TMEM116: variants seen among roughly 807,000 people sequenced by gnomAD.
TMEM116 encodes transmembrane protein 116.
Under a neutral mutation model 44.3 loss-of-function variants are expected in TMEM116, and 38 were observed. That is an observed-to-expected ratio of 0.86 (90% CI 0.66 to 1.12). The LOEUF (loss-of-function observed/expected upper bound fraction) is 1.12, where lower values mean the gene tolerates loss of function less well. Among genes scored for constraint, TMEM116 ranks in the 50% most tolerant of loss-of-function variants. The pLI is 0.00. For missense variants in TMEM116, 354 were observed against 401.7 expected (o/e 0.88, Z 1.01); for synonymous variants, 132 against 144.8 (o/e 0.91, Z 0.64).
At chr12:111,963,012 G>A (rs1364535995) in intron 4 of TMEM116, among the ~76,000 whole-genome samples, 1 of 152,156 alleles carries the variant, frequency 6.6e-6, no homozygotes, top group Non-Finnish European at 1.5e-5. Context: ...GATATGAACA[G>A]ACACTTCTCA....
intron 4 of TMEM116, among the ~76,000 whole-genome samples, chr12:111,946,890 G>A (rs1366203205): frequency 6.6e-6 from 1 of 151,914 alleles, no homozygotes; most frequent in African/African-American, 2.4e-5. Flanking sequence ...TTTTTCACAC[G>A]TCTGCAATTC....
At chr12:111,987,483 T>A (rs1044898969) in intron 4 of TMEM116, among the ~76,000 whole-genome samples, 2 of 140,484 alleles carry the variant, frequency 1.4e-5, no homozygotes, top group African/African-American at 5.3e-5. Flanking sequence ...CCAGCCTGGG[T>A]GAGAAAGTGA....
intron 4 of TMEM116, among the ~76,000 whole-genome samples, chr12:111,959,577 T>C (rs1389508009): frequency 6.6e-6 from 1 of 152,148 alleles, no homozygotes; most frequent in East Asian, 1.9e-4. Flanking sequence ...TCAAGACCCA[T>C]TGGTGTACTG....
chr12:112,004,732 C>A (rs2077481847), intron 2 of TMEM116, among the ~76,000 whole-genome samples: 1 of 151,882 alleles, frequency 6.6e-6, no homozygotes, highest in South Asian at 2.1e-4. Context: ...ACAATCACAG[C>A]TCCTCCTGAG....
intron 2 of TMEM116, among the ~76,000 whole-genome samples, 179 bp from the exon 3 acceptor site, chr12:112,004,042 G>A (rs749788199): frequency 6.6e-6 from 1 of 151,996 alleles, no homozygotes; most frequent in Non-Finnish European, 1.5e-5. Flanking sequence ...GTGCAGTGGT[G>A]TCATTATAGC....
chr12:111,970,036 G>A (rs1425622077), intron 4 of TMEM116, among the ~76,000 whole-genome samples: 1 of 152,024 alleles, frequency 6.6e-6, no homozygotes, highest in Non-Finnish European at 1.5e-5. Flanking sequence ...GGAGGCCAGG[G>A]CAGGCAGATC....
chr12:112,006,092 G>T, intron 1 of TMEM116: 3 of 428,398 alleles, frequency 7.0e-6, no homozygotes, highest in Non-Finnish European at 6.2e-6. Context: ...CCCTATCCCA[G>T]CTGGGCTCCT....
rs200593753 is a variant in TMEM116, at chr12:111,940,554, CAT to C, written c.316-2346_316-2345del. ...ATATATATATATATATACACACACA[CAT>C]ATATATGTGTGTATATATATATATA... On this transcript the variant is annotated intron_variant, in intron 5 of 10. Coordinates refer to ENST00000552374, the MANE Select transcript of TMEM116 (RefSeq NM_001193531.2). Among the ~76,000 whole-genome samples, 764 of 119,778 alleles carry C rather than the reference CAT, an allele frequency of 6.4e-3. 20 individuals are homozygous for C. The East Asian group carries it at 0.13, about 20-fold the overall frequency. 78.6% of individuals were successfully genotyped at this position (119,778 alleles called of 152,430 possible). A position where few individuals can be genotyped will look rare whatever the true frequency, so the allele number is the denominator to read the frequency against.
At chr12:112,002,942 C>G (rs2077352614) in intron 3 of TMEM116, among the ~76,000 whole-genome samples, 1 of 152,142 alleles carries the variant, frequency 6.6e-6, no homozygotes. Flanking sequence ...GTTTACTAAG[C>G]TAGAAAATAC....
At chr12:112,004,955 C>T (rs2077498485) in intron 2 of TMEM116, among the ~76,000 whole-genome samples, 1 of 152,142 alleles carries the variant, frequency 6.6e-6, no homozygotes, top group South Asian at 2.1e-4. Context: ...CCAATTTTCT[C>T]TTTGTCATTC....
At chr12:111,998,823 G>C (rs909130353) in intron 3 of TMEM116, among the ~76,000 whole-genome samples, 4 of 151,964 alleles carry the variant, frequency 2.6e-5, no homozygotes, top group African/African-American at 9.7e-5. Flanking sequence ...TCTCAGGAAA[G>C]GCAAAGGGGG....
chr12:112,003,963 A>G, intron 2 of TMEM116, 100 bp from the exon 3 acceptor site: 2 of 1,385,878 alleles, frequency 1.4e-6, no homozygotes, highest in South Asian at 3.4e-5. Flanking sequence ...TATTGGCATA[A>G]TTGATATAAA....
intron 5 of TMEM116, among the ~76,000 whole-genome samples, chr12:111,939,783 A>G (rs1565871951): frequency 6.6e-6 from 1 of 151,970 alleles, no homozygotes; most frequent in African/African-American, 2.4e-5. Context: ...AACTGTGATC[A>G]TATTACTGCA....
chr12:112,002,280 G>A (rs1173729569), intron 3 of TMEM116, among the ~76,000 whole-genome samples: 2 of 151,644 alleles, frequency 1.3e-5, no homozygotes, highest in African/African-American at 4.8e-5. Context: ...GGCCAAGATG[G>A]TGAAACCCTG....
At chr12:112,003,449 T>C (rs539065033) in intron 3 of TMEM116, 189 of 171,388 alleles carry the variant, frequency 1.1e-3, no homozygotes, top group Middle Eastern at 2.6e-3. Flanking sequence ...GTGCCTGTAG[T>C]CCCAGCTACT....
chr12:111,994,281 C>A (rs1418092283), intron 3 of TMEM116, among the ~76,000 whole-genome samples: 2 of 152,030 alleles, frequency 1.3e-5, no homozygotes, highest in Non-Finnish European at 2.9e-5. Context: ...AACCAAGACA[C>A]TCTTGAAAAA....
At chr12:111,933,731 C>T (rs529563632) in intron 9 of TMEM116, among the ~76,000 whole-genome samples, 155 bp downstream of exon 9, 35 of 151,566 alleles carry the variant, frequency 2.3e-4, no homozygotes, top group Admixed American at 1.3e-3. Flanking sequence ...CTCCTGACCT[C>T]GTGATCCACC....
At chr12:112,000,741 C>A (rs2077205815) in intron 3 of TMEM116, 5 of 536,938 alleles carry the variant, frequency 9.3e-6, no homozygotes, top group South Asian at 5.5e-5. Context: ...TGATATTCAT[C>A]CAAATAATAA....
At chr12:111,932,981 C>T (rs1325053394) in intron 9 of TMEM116, among the ~76,000 whole-genome samples, 1 of 152,208 alleles carries the variant, frequency 6.6e-6, no homozygotes, top group Non-Finnish European at 1.5e-5. Flanking sequence ...TGGCTCATGC[C>T]TACAATCCCA....
Sources: gnomAD v4.1 joint callset for allele counts (sites outside exome capture counted in the v4.1 genomes callset) on GRCh38, gnomAD v4.1.1 for gene constraint, MANE v1.5 for transcripts, NCBI Gene and HGNC (gene_info 2026-07-23, HGNC 2026-07-21) for gene names.